MKX: variants seen among roughly 807,000 people sequenced by gnomAD.
MKX encodes homeobox protein Mohawk.
In MKX, 13 loss-of-function variants were observed where a neutral mutation model predicts 36.0. That is an observed-to-expected ratio of 0.36 (90% CI 0.24 to 0.57). MKX has a LOEUF of 0.57. Among genes scored for constraint, MKX ranks in the 20% least tolerant of loss-of-function variants. The probability of loss-of-function intolerance (pLI) is 0.79; values close to 1 mark genes in which losing one functional copy is unlikely to be tolerated. For missense variants in MKX, 458 were observed against 456.4 expected, an observed-to-expected ratio of 1.00 and a Z score of -0.03; for synonymous variants, 176 against 178.3, an observed-to-expected ratio of 0.99 and a Z score of 0.10.
At chr10:27,745,481 A>T (rs911660468) in intron 1 of MKX, 1 of 152,522 alleles carries the variant, frequency 6.6e-6, no homozygotes, top group African/African-American at 2.4e-5. Context: ...CCCCTCCCCC[A>T]ACGCCGGCGA....
rs1834954197 is a variant in MKX at position 27,743,251 on chromosome 10, G to A, written c.165C>T (p.Leu55=). Reference sequence around the variant, plus strand: ...ACCCGGTCCTCCGGTGTCTCAGGCCGAGGTTGTCCTTGAGGGGCGGGCCGT... The same window carrying A: ...ACCCGGTCCTCCGGTGTCTCAGGCCAAGGTTGTCCTTGAGGGGCGGGCCGT... ...IPDGPPLKDN[L]GLRHRRTGAR... The change falls in exon 2 of 7, where the codon CTC becomes CTT. Residue 55 remains leucine (L), a synonymous_variant. Coordinates refer to ENST00000419761, the MANE Select transcript of MKX (RefSeq NM_173576.3). 1 of 1,533,448 alleles carries A rather than the reference G, an allele frequency of 6.5e-7. No homozygotes were observed. Among genetic ancestry groups the A allele is most frequent in the African/African-American group, 1.4e-5 (1 of 69,246 alleles). The allele number at this position is 1,533,448 out of a possible 1,614,324, so 95.0% of individuals were successfully genotyped here.
At chr10:27,705,030 A>G (rs1564353884) in intron 5 of MKX, among the ~76,000 whole-genome samples, 1 of 152,208 alleles carries the variant, frequency 6.6e-6, no homozygotes, top group African/African-American at 2.4e-5. Context: ...AGAAATATGA[A>G]TATGTGCACA....
At chr10:27,743,695 C>G (rs933952081) in intron 1 of MKX, 198 bp from the exon 2 acceptor site, 1 of 466,780 alleles carries the variant, frequency 2.1e-6, no homozygotes, top group African/African-American at 2.1e-5. Flanking sequence ...GGACAGGTAC[C>G]TGCCCTCTTC....
At chr10:27,724,333 T>C (rs986076571) in intron 5 of MKX, among the ~76,000 whole-genome samples, 14 of 152,080 alleles carry the variant, frequency 9.2e-5, no homozygotes, top group African/African-American at 3.4e-4. Context: ...CCGGAAGACA[T>C]GAAAAAAGTG....
rs72797697 is a variant in MKX, at chr10:27,719,506, C to T, written c.838+14950G>A. ...ATGCTCTTTAAATAGGTTAGGGGAC[C>T]TGTCTAAGGGGGGTTCCTAGAAAAG... On this transcript the variant is annotated intron_variant, in intron 5 of 6. Coordinates refer to ENST00000419761, the MANE Select transcript of MKX (RefSeq NM_173576.3). Among the ~76,000 whole-genome samples the T allele has an allele frequency of 6.7e-3, 1,019 of 152,098 alleles. 10 individuals carry two copies. The highest frequency in any genetic ancestry group is 0.011 in the Non-Finnish European group (728 of 67,992).
intron 3 of MKX, among the ~76,000 whole-genome samples, chr10:27,739,085 T>A (rs1294558958): frequency 6.6e-6 from 1 of 152,040 alleles, no homozygotes; most frequent in Admixed American, 6.5e-5. Flanking sequence ...ATATGAGACT[T>A]TCATTATTAG....
intron 5 of MKX, among the ~76,000 whole-genome samples, chr10:27,714,008 C>CAAAA (rs1836918380): frequency 1.3e-4 from 1 of 7,980 alleles, no homozygotes; most frequent in African/African-American, 2.3e-4. Flanking sequence ...TGTGCAAAGA[C>CAAAA]CAAAAAAAAA....
In MKX at chr10:27,727,618, C is replaced by T. The variant is rs1009779925; in HGVS notation, c.838+6838G>A. ...AAGTTTTTATAATTCTATAGCAATC[C>T]CATGCATATTCAAAGGGTCAGCATT... On this transcript the variant is annotated intron_variant, in intron 5 of 6. Transcript: ENST00000419761. Among the ~76,000 whole-genome samples the T allele has an allele frequency of 5.3e-5, 8 of 152,056 alleles. No homozygotes were observed. The East Asian group carries it at 9.6e-4, about 18-fold the overall frequency.
At chr10:27,692,505 T>C (rs1430647049) in intron 5 of MKX, among the ~76,000 whole-genome samples, 3 of 152,238 alleles carry the variant, frequency 2.0e-5, no homozygotes, top group African/African-American at 7.2e-5. Flanking sequence ...CTGTGTTTTC[T>C]GTTTTGAAAA....
chr10:27,716,208 A>G (rs565347560), intron 5 of MKX, among the ~76,000 whole-genome samples: 3 of 152,274 alleles, frequency 2.0e-5, no homozygotes, highest in Non-Finnish European at 4.4e-5. Flanking sequence ...TGCCAGGCAC[A>G]TAGGAAATGC....
intron 5 of MKX, among the ~76,000 whole-genome samples, chr10:27,689,541 G>T (rs1056494279): frequency 6.6e-6 from 1 of 152,148 alleles, no homozygotes; most frequent in Non-Finnish European, 1.5e-5. Flanking sequence ...AAATTGGGAA[G>T]ATTTCTGCTG....
rs551257429 is a variant in MKX at position 27,701,442 on chromosome 10, A to AT, written c.839-25889dup. Among the ~76,000 whole-genome samples, 353 of 146,958 alleles carry AT rather than the reference A, an allele frequency of 2.4e-3. 2 individuals are homozygous for AT. The highest frequency in any genetic ancestry group is 8.6e-3 in the African/African-American group (350 of 40,538). Reference sequence around the variant, plus strand: ...ACTATAGATAATATATATAAAATACATAAGTATATAAAAGATTAAAATTAT... The same window carrying AT: ...ACTATAGATAATATATATAAAATACATTAAGTATATAAAAGATTAAAATTAT... On this transcript the variant is annotated intron_variant, in intron 5 of 6. Transcript: ENST00000419761.
At chr10:27,738,179 T>A (rs561652890) in intron 3 of MKX, among the ~76,000 whole-genome samples, 1 of 152,188 alleles carries the variant, frequency 6.6e-6, no homozygotes, top group African/African-American at 2.4e-5. Context: ...AATATATATA[T>A]TCTGCTGGGG....
At position 27,695,435 on chromosome 10, in the gene MKX, G is replaced by GAA. The variant is rs143932170; in HGVS notation, c.839-19883_839-19882dup. On this transcript the variant is annotated intron_variant, in intron 5 of 6. Transcript: ENST00000419761. ...GAGAGATGCTCAGTAAGGCTTAACA[G>GAA]AAAAAAAAAAAAATCTCATATTTTC... 1.3e-4 allele frequency among the ~76,000 whole-genome samples: 19 copies of GAA among 142,322 alleles called. No individual in the cohort carries two copies. In the East Asian group the frequency reaches 1.6e-3, roughly 12 times the overall value. The allele number at this position is 142,322 out of a possible 152,430, so 93.4% of individuals were successfully genotyped here.
chr10:27,701,825 G>GTATATATA (rs1294495851), intron 5 of MKX, among the ~76,000 whole-genome samples: 1 of 30,722 alleles, frequency 3.3e-5, no homozygotes, highest in African/African-American at 9.7e-5. Flanking sequence ...GTGTGTGTGT[G>GTATATATA]TGTATATATA....
chr10:27,675,140 G>A lies in MKX; in HGVS notation c.*89C>T. The A allele has an allele frequency of 1.6e-6, 2 of 1,265,232 alleles. No individual in the cohort carries two copies. Among genetic ancestry groups the A allele is most frequent in the Admixed American group, 4.5e-5 (2 of 44,246 alleles). The allele number at this position is 1,265,232 out of a possible 1,614,324, so 78.4% of individuals were successfully genotyped here. ...AAAATAAGAAGAGGTTTGGGAGAGA[G>A]TCATTTTCATCCCTGCTTCGGCTCT... On this transcript the variant is annotated 3_prime_UTR_variant, in exon 7 of 7. Coordinates refer to ENST00000419761, the MANE Select transcript of MKX (RefSeq NM_173576.3).
rs879736445 is a variant in MKX, at chr10:27,674,926, T to C, written c.*303A>G. ...CATATGGCGTTGGCATTTTGAGGCA[T>C]AGCTTGTTCAACTATGCCCACGTTG... On this transcript the variant is annotated 3_prime_UTR_variant, in exon 7 of 7. Coordinates refer to ENST00000419761, the MANE Select transcript of MKX (RefSeq NM_173576.3). 2.0e-5 allele frequency: 5 copies of C among 249,976 alleles called. No individual in the cohort carries two copies. Among genetic ancestry groups the C allele is most frequent in the African/African-American group, 4.5e-5 (2 of 43,966 alleles). 15.5% of individuals were successfully genotyped at this position (249,976 alleles called of 1,614,324 possible).
intron 5 of MKX, among the ~76,000 whole-genome samples, chr10:27,691,679 G>A (rs1479796122): frequency 1.3e-5 from 2 of 152,186 alleles, no homozygotes; most frequent in African/African-American, 4.8e-5. Context: ...GTACCCGATA[G>A]GCAGCTTTTT....
intron 5 of MKX, among the ~76,000 whole-genome samples, chr10:27,700,250 G>A (rs1836627433): frequency 6.6e-6 from 1 of 152,216 alleles, no homozygotes; most frequent in African/African-American, 2.4e-5. Context: ...AAAGCAGGCA[G>A]TTTCAGGCAA....
Sources: gnomAD v4.1 joint callset for allele counts (sites outside exome capture counted in the v4.1 genomes callset) on GRCh38, gnomAD v4.1.1 for gene constraint, MANE v1.5 for transcripts, NCBI Gene and HGNC (gene_info 2026-07-23, HGNC 2026-07-21) for gene names.